ZNF512: variants seen among roughly 807,000 people sequenced by gnomAD.
The protein encoded by ZNF512 is zinc finger protein 512.
Under a neutral mutation model 77.5 loss-of-function variants are expected in ZNF512, and 25 were observed. The ratio of observed to expected loss-of-function variants is 0.32; its 90% CI spans 0.23 to 0.45. The LOEUF (loss-of-function observed/expected upper bound fraction) is 0.45, where lower values mean the gene tolerates loss of function less well. ZNF512 is among the 20% of genes least tolerant of loss of function. The probability of loss-of-function intolerance (pLI) is 1.00; values close to 1 mark genes in which losing one functional copy is unlikely to be tolerated. For missense variants in ZNF512, 483 were observed against 692.6 expected, an observed-to-expected ratio of 0.70 and a Z score of 3.40; for synonymous variants, 246 against 239.9, an observed-to-expected ratio of 1.03 and a Z score of -0.24.
intron 3 of ZNF512, among the ~76,000 whole-genome samples, chr2:27,599,120 G>C (rs964026331): frequency 1.3e-5 from 2 of 152,104 alleles, no homozygotes; most frequent in African/African-American, 2.4e-5. Context: ...TCAAAGTGCT[G>C]GGATTACAGA....
At chr2:27,612,006 T>A (rs1012059444) in intron 10 of ZNF512, among the ~76,000 whole-genome samples, 4 of 152,202 alleles carry the variant, frequency 2.6e-5, no homozygotes, top group Admixed American at 2.6e-4. Context: ...GTTATGCCTG[T>A]GATGTTTACA....
chr2:27,602,357 C>A, intron 7 of ZNF512, 106 bp from the exon 8 acceptor site: 12 of 1,097,744 alleles, frequency 1.1e-5, no homozygotes, highest in Non-Finnish European at 1.5e-5. Context: ...TTCATTGGCA[C>A]CAGCTTAGCT....
intron 2 of ZNF512, among the ~76,000 whole-genome samples, chr2:27,586,384 T>C (rs1345992954): frequency 6.6e-6 from 1 of 152,110 alleles, no homozygotes; most frequent in Non-Finnish European, 1.5e-5. Context: ...TGCACACCGC[T>C]GTGCCCTGCT....
intron 7 of ZNF512, 39 bp downstream of exon 7, chr2:27,601,481 CTTT>C (rs374245570): frequency 6.6e-6 from 8 of 1,215,178 alleles, no homozygotes; most frequent in Admixed American, 2.3e-5. Context: ...GTTTGGATGT[CTTT>C]TTTTTTTTGA....
At chr2:27,595,399 A>G (rs1671820890) in intron 2 of ZNF512, among the ~76,000 whole-genome samples, 1 of 149,016 alleles carries the variant, frequency 6.7e-6, no homozygotes, top group East Asian at 2.0e-4. Flanking sequence ...ATCTCTGCTC[A>G]TTGCAGCCTC....
At chr2:27,606,449 G>A (rs1011286728) in intron 9 of ZNF512, among the ~76,000 whole-genome samples, 6 of 151,448 alleles carry the variant, frequency 4.0e-5, no homozygotes, top group Admixed American at 1.3e-4. Context: ...TGCAACCTCC[G>A]CCTCCTGGGC....
At chr2:27,613,039 C>T (rs141778435) in intron 10 of ZNF512, among the ~76,000 whole-genome samples, 1 of 152,186 alleles carries the variant, frequency 6.6e-6, no homozygotes, top group Non-Finnish European at 1.5e-5. Context: ...CCTTTTCTTT[C>T]TACTGTGTTC....
In ZNF512 at chr2:27,621,448, G is replaced by A. The variant is rs752705419; in HGVS notation, c.1691G>A (p.Arg564Gln). 3.1e-6 allele frequency: 5 copies of A among 1,609,964 alleles called. No individual in the cohort carries two copies. Among genetic ancestry groups the A allele is most frequent in the Admixed American group, 1.7e-5 (1 of 59,838 alleles). The change falls in exon 14 of 14, where the codon CGA becomes CAA. Residue 564 changes from arginine (R) to glutamine (Q), a missense_variant. This residue lies in a region of ZNF512 where 324 missense variants were observed against 525.0 expected (regional missense o/e 0.62). Coordinates refer to ENST00000355467, the MANE Select transcript of ZNF512 (RefSeq NM_032434.4). ...KVKPPKTNHK[R>Q]GRK ...AAGCCCCCAAAGACTAATCATAAAC[G>A]AGGAAGGAAATAGGCAGTCAGTGTA...
intron 10 of ZNF512, among the ~76,000 whole-genome samples, chr2:27,611,172 A>G (rs1461097552): frequency 1.3e-5 from 2 of 152,154 alleles, no homozygotes; most frequent in African/African-American, 2.4e-5. Flanking sequence ...GAGTTTCCAA[A>G]TGCTCTTCAC....
rs772947998 is a variant in ZNF512 at position 27,583,072 on chromosome 2, C to A, written c.-41C>A. 1.2e-6 allele frequency: 2 copies of A among 1,613,748 alleles called. No homozygotes were observed. Among genetic ancestry groups the A allele is most frequent in the Admixed American group, 1.7e-5 (1 of 60,014 alleles). On this transcript the variant is annotated 5_prime_UTR_variant, in exon 1 of 14. Coordinates refer to ENST00000355467, the MANE Select transcript of ZNF512 (RefSeq NM_032434.4). Reference sequence around the variant, plus strand: ...AGAGCGGAAGTGGCGTTGGTCTGGCCGGAGCCCTTGGGTGAAATTGTTAGG... The same window carrying A: ...AGAGCGGAAGTGGCGTTGGTCTGGCAGGAGCCCTTGGGTGAAATTGTTAGG...
At chr2:27,588,531 C>G (rs1572903598) in intron 2 of ZNF512, among the ~76,000 whole-genome samples, 2 of 151,896 alleles carry the variant, frequency 1.3e-5, no homozygotes, top group South Asian at 4.2e-4. Context: ...TTTTCTTTCC[C>G]TACTGAATTG....
chr2:27,583,135 T>A lies in ZNF512; in HGVS notation c.23T>A (p.Val8Glu), dbSNP rs1463728042. The A allele has an allele frequency of 1.2e-6, 2 of 1,614,004 alleles. No homozygotes were observed. The highest frequency in any genetic ancestry group is 3.3e-5 in the Admixed American group (2 of 60,030). Residue 8 changes from valine (V) to glutamate (E), a missense_variant, in exon 1 of 14, where the codon GTA becomes GAA. Val to Glu is a moderately radical substitution (Grantham distance 121). Coordinates refer to ENST00000355467, the MANE Select transcript of ZNF512 (RefSeq NM_032434.4). ...GTGATGTCTTCCAGACTCGGTGCTG[T>A]ACCCGCCGTGAGTTTCTTGGTTTGA... MSSRLGAVPATSGPTTFK... is the reference protein window; with the variant it reads MSSRLGAEPATSGPTTFK...
chr2:27,595,027 G>C (rs1339606381), intron 2 of ZNF512, among the ~76,000 whole-genome samples: 1 of 152,142 alleles, frequency 6.6e-6, no homozygotes, highest in Non-Finnish European at 1.5e-5. Context: ...CATTGGGCAG[G>C]CCCAGGCAGG....
Position 27,621,594 on chromosome 2 carries a change from G to C in ZNF512, c.*133G>C. ...GTGACTTTCTCAGCTCCTTCCTCCT[G>C]TGTAAATTTCACTGTCTTCCCTTCT... is the stretch of plus-strand genomic sequence containing the variant. On this transcript the variant is annotated 3_prime_UTR_variant, in exon 14 of 14. Coordinates refer to ENST00000355467, the MANE Select transcript of ZNF512 (RefSeq NM_032434.4). The C allele has an allele frequency of 1.0e-6, 1 of 955,850 alleles. No individual in the cohort carries two copies. The highest frequency in any genetic ancestry group is 1.5e-6 in the Non-Finnish European group (1 of 666,330). The allele number at this position is 955,850 out of a possible 1,614,324, so 59.2% of individuals were successfully genotyped here. A position where few individuals can be genotyped will look rare whatever the true frequency, so the allele number is the denominator to read the frequency against.
chr2:27,600,879 CTA>C, intron 6 of ZNF512, 64 bp downstream of exon 6: 1 of 1,576,270 alleles, frequency 6.3e-7, no homozygotes, highest in East Asian at 2.3e-5. Context: ...ACTTCTTTTG[CTA>C]TGTTGGATAT....
rs140091852 is a variant in ZNF512 at position 27,598,243 on chromosome 2, C to A, written c.266C>A (p.Ser89Tyr). ...KMRRIKPAAT[S>Y]HVEGSGGVSA... ...AGAAGAATCAAGCCAGCTGCTACTT[C>A]TCATGTCGAAGGTATCAATATCAGT... Residue 89 changes from serine to tyrosine, a missense_variant, in exon 3 of 14, where the codon TCT becomes TAT. By Grantham distance (144) the Ser-to-Tyr change is moderately radical. Coordinates refer to ENST00000355467, the MANE Select transcript of ZNF512 (RefSeq NM_032434.4). The A allele has an allele frequency of 1.1e-5, 17 of 1,612,490 alleles. No homozygotes were observed. In the African/African-American group the frequency reaches 2.1e-4, roughly 20 times the overall value.
chr2:27,584,902 A>C (rs1331532910), intron 2 of ZNF512, among the ~76,000 whole-genome samples: 1 of 152,106 alleles, frequency 6.6e-6, no homozygotes. Context: ...CCTGGAAGAG[A>C]TAATGAGGGA....
chr2:27,616,506 A>G (rs1429738063), intron 12 of ZNF512, among the ~76,000 whole-genome samples, 182 bp downstream of exon 12: 1 of 152,190 alleles, frequency 6.6e-6, no homozygotes, highest in Non-Finnish European at 1.5e-5. Flanking sequence ...GGCATGTCCA[A>G]GACTTAGAAA....
chr2:27,604,642 A>G (rs1196183010), intron 9 of ZNF512, among the ~76,000 whole-genome samples: 1 of 152,150 alleles, frequency 6.6e-6, no homozygotes. Context: ...TAAGCCAGGC[A>G]TGGTGGTGTA....
Sources: allele counts gnomAD v4.1 joint callset (sites outside exome capture counted in the v4.1 genomes callset), GRCh38; gene constraint gnomAD v4.1.1; regional missense constraint gnomAD v4.1.1; transcripts MANE v1.5; gene names NCBI Gene and HGNC (gene_info 2026-07-23, HGNC 2026-07-21).